The following ITPR2 variants were observed in gnomAD, a reference collection of about 807,000 sequenced individuals.
The protein encoded by ITPR2 is inositol 1,4,5-trisphosphate receptor type 2.
A neutral mutation model predicts 317.1 loss-of-function variants in ITPR2; 207 were observed. The ratio of observed to expected loss-of-function variants is 0.65; its 90% CI spans 0.58 to 0.73. The LOEUF (loss-of-function observed/expected upper bound fraction) is 0.73, where lower values mean the gene tolerates loss of function less well. ITPR2 is among the 30% of genes least tolerant of loss of function. The pLI is 0.00. For missense variants in ITPR2, 2,613 were observed against 3,284.0 expected (o/e 0.80, Z 4.99); for synonymous variants, 1,156 against 1,149.1 (o/e 1.01, Z -0.12).
At chr12:26,611,562 TA>T (rs1188634325) in intron 26 of ITPR2, among the ~76,000 whole-genome samples, 1 of 151,452 alleles carries the variant, frequency 6.6e-6, no homozygotes, top group Admixed American at 6.6e-5. Flanking sequence ...GACCCATCTC[TA>T]AAAAAAAGTA....
chr12:26,408,477 TAAC>T (rs1283563556), intron 52 of ITPR2, among the ~76,000 whole-genome samples: 3 of 152,202 alleles, frequency 2.0e-5, no homozygotes, highest in Non-Finnish European at 2.9e-5. Flanking sequence ...GTATAAAGCC[TAAC>T]ATTTACAGGA....
chr12:26,523,522 CTTTT>C (rs564468146), intron 37 of ITPR2, among the ~76,000 whole-genome samples: 2 of 138,052 alleles, frequency 1.4e-5, no homozygotes, highest in Non-Finnish European at 3.3e-5. Context: ...ATGGCAAAAT[CTTTT>C]TTTTTTTTTT....
At chr12:26,580,503 A>C (rs1264830198) in intron 32 of ITPR2, among the ~76,000 whole-genome samples, 1 of 152,144 alleles carries the variant, frequency 6.6e-6, no homozygotes, top group Non-Finnish European at 1.5e-5. Flanking sequence ...AATGTAAGAG[A>C]CCAAAGACGA....
At chr12:26,809,912 T>C (rs1950705207) in intron 1 of ITPR2, among the ~76,000 whole-genome samples, 1 of 152,222 alleles carries the variant, frequency 6.6e-6, no homozygotes, top group Non-Finnish European at 1.5e-5. Flanking sequence ...CATTAAGTCA[T>C]AATGCCATTC....
intron 47 of ITPR2, among the ~76,000 whole-genome samples, chr12:26,438,264 G>A (rs1941406341): frequency 6.6e-6 from 1 of 152,012 alleles, no homozygotes; most frequent in Non-Finnish European, 1.5e-5. Context: ...GCCTGAAAAT[G>A]CATACCACAC....
At chr12:26,411,482 C>G in intron 51 of ITPR2, 70 bp from the exon 52 acceptor site, 1 of 1,044,150 alleles carries the variant, frequency 9.6e-7, no homozygotes, top group East Asian at 2.5e-5. Context: ...ACCTACAGTT[C>G]TAAAGATATG....
intron 31 of ITPR2, among the ~76,000 whole-genome samples, chr12:26,596,639 T>G (rs1298865361): frequency 7.9e-6 from 1 of 125,834 alleles, no homozygotes; most frequent in South Asian, 2.7e-4. Flanking sequence ...AGAGCAAAAC[T>G]CTGTCTCAAA....
chr12:26,379,267 A>G (rs951444794), intron 55 of ITPR2, among the ~76,000 whole-genome samples: 25 of 152,212 alleles, frequency 1.6e-4, no homozygotes, highest in African/African-American at 5.5e-4. Flanking sequence ...AAAGGAGATC[A>G]TGCATGTAAA....
intron 55 of ITPR2, among the ~76,000 whole-genome samples, chr12:26,364,986 C>T (rs901836): frequency 0.19 from 29,425 of 152,052 alleles, 2,947 homozygotes; most frequent in Middle Eastern, 0.23. Context: ...AATATCACTG[C>T]GTTCTATTTT....
At chr12:26,589,004 C>T (rs1350477594) in intron 32 of ITPR2, among the ~76,000 whole-genome samples, 1 of 152,196 alleles carries the variant, frequency 6.6e-6, no homozygotes, top group Non-Finnish European at 1.5e-5. Flanking sequence ...TGACTCAAAT[C>T]CCCTGACTAT....
At chr12:26,737,040 T>C (rs1949132711) in intron 2 of ITPR2, among the ~76,000 whole-genome samples, 1 of 152,196 alleles carries the variant, frequency 6.6e-6, no homozygotes, top group Admixed American at 6.5e-5. Context: ...AGTTTTTCCC[T>C]ATATTGATCC....
intron 9 of ITPR2, among the ~76,000 whole-genome samples, chr12:26,703,174 C>T (rs922650716): frequency 6.6e-6 from 1 of 152,110 alleles, no homozygotes; most frequent in African/African-American, 2.4e-5. Context: ...AGGTTGCAGT[C>T]CTTTAAACTT....
intron 2 of ITPR2, among the ~76,000 whole-genome samples, chr12:26,784,409 T>C (rs1161505040): frequency 6.9e-6 from 1 of 143,916 alleles, no homozygotes; most frequent in African/African-American, 2.6e-5. Flanking sequence ...GAGCCAAGGC[T>C]GGACGGTGCT....
At chr12:26,787,236 G>A (rs1318065255) in intron 2 of ITPR2, among the ~76,000 whole-genome samples, 6 of 152,194 alleles carry the variant, frequency 3.9e-5, no homozygotes, top group Middle Eastern at 3.2e-3. Context: ...AGATAAGACA[G>A]AACCCTGAGT....
chr12:26,681,573 C>A (rs138976407), intron 13 of ITPR2, among the ~76,000 whole-genome samples: 1 of 152,030 alleles, frequency 6.6e-6, no homozygotes, highest in South Asian at 2.1e-4. Context: ...TCAAATCATG[C>A]GCAGCAAAAG....
intron 26 of ITPR2, among the ~76,000 whole-genome samples, chr12:26,605,126 A>AAAAAAAAAAATATATATATATATAT (rs1555165395): frequency 2.2e-5 from 3 of 136,308 alleles, no homozygotes. Flanking sequence ...AAAAAATAAA[A>AAAAAAAAAAATATATATATATATAT]ATATATATAT....
chr12:26,581,804 T>A (rs1018024453), intron 32 of ITPR2, among the ~76,000 whole-genome samples: 1 of 152,188 alleles, frequency 6.6e-6, no homozygotes, highest in Admixed American at 6.5e-5. Context: ...TCCTGATACA[T>A]AGGTTAAAAA....
At chr12:26,808,558 A>T (rs776439292) in intron 1 of ITPR2, among the ~76,000 whole-genome samples, 12 of 152,196 alleles carry the variant, frequency 7.9e-5, no homozygotes, top group Admixed American at 7.2e-4. Context: ...TTTTAATGTT[A>T]GAGCCATTAT....
In ITPR2 at chr12:26,345,893, G is replaced by A. The variant is rs118162014; in HGVS notation, c.7858-5565C>T. Among the ~76,000 whole-genome samples the A allele has an allele frequency of 8.2e-4, 124 of 152,128 alleles. 1 individual carries two copies. In the East Asian group the frequency reaches 0.021, roughly 26 times the overall value. Reference sequence around the variant, plus strand: ...CTAACAAAGCAGTTTGATTTAGTTTGTTATTTCTTGGTTTACTCATGCATG... The same window carrying A: ...CTAACAAAGCAGTTTGATTTAGTTTATTATTTCTTGGTTTACTCATGCATG... On this transcript the variant is annotated intron_variant, in intron 55 of 56. Transcript: ENST00000381340.
Sources: gnomAD v4.1 joint callset for allele counts (sites outside exome capture counted in the v4.1 genomes callset) on GRCh38, gnomAD v4.1.1 for gene constraint, MANE v1.5 for transcripts, NCBI Gene and HGNC (gene_info 2026-07-23, HGNC 2026-07-21) for gene names.